ZNF540: variants seen among roughly 807,000 people sequenced by gnomAD.
ZNF540 encodes the protein zinc finger protein 540.
A neutral mutation model predicts 11.8 loss-of-function variants in ZNF540; 3 were observed. That is an observed-to-expected ratio of 0.25 (90% CI 0.12 to 0.65). ZNF540 has a LOEUF of 0.65. ZNF540 is among the 30% of genes least tolerant of loss of function. ZNF540 has a pLI of 0.83. For missense variants in ZNF540, 709 were observed against 793.1 expected, an observed-to-expected ratio of 0.89 and a Z score of 1.27; for synonymous variants, 247 against 259.0, an observed-to-expected ratio of 0.95 and a Z score of 0.45.
intron 1 of ZNF540, chr19:37,583,780 C>G (rs2043560261): frequency 2.0e-6 from 1 of 511,138 alleles, no homozygotes; most frequent in African/African-American, 1.9e-5. Context: ...AAGGGAGACA[C>G]TGACAGGAAG....
intron 1 of ZNF540, among the ~76,000 whole-genome samples, chr19:37,561,294 T>G (rs955757764): frequency 2.8e-4 from 43 of 152,108 alleles, no homozygotes; most frequent in Admixed American, 1.7e-3. Flanking sequence ...TAGAGGATTG[T>G]AAAAACCTTG....
chr19:37,556,011 T>C (rs1450561354), intron 1 of ZNF540: 1 of 701,926 alleles, frequency 1.4e-6, no homozygotes, highest in African/African-American at 1.7e-5. Context: ...AGGACAGAGG[T>C]AAAAGTCAAC....
At chr19:37,591,851 G>A (rs548973601), upstream of ZNF540, among the ~76,000 whole-genome samples, 145 of 152,054 alleles carry the variant, frequency 9.5e-4, no homozygotes, top group African/African-American at 3.2e-3. Flanking sequence ...GCCATGAACC[G>A]TATTTTAAGA....
In ZNF540 at chr19:37,613,885, C is replaced by A; in HGVS notation, c.*622C>A. 1 of 398,528 alleles carries A rather than the reference C, an allele frequency of 2.5e-6. No individual in the cohort carries two copies. The highest frequency in any genetic ancestry group is 2.1e-5 in the African/African-American group (1 of 48,700). 24.7% of individuals were successfully genotyped at this position (398,528 alleles called of 1,614,324 possible). A position where few individuals can be genotyped will look rare whatever the true frequency, so the allele number is the denominator to read the frequency against. On this transcript the variant is annotated 3_prime_UTR_variant, in exon 5 of 5. Coordinates refer to ENST00000316433, the MANE Select transcript of ZNF540 (RefSeq NM_001172225.3). Reference sequence around the variant, plus strand: ...TAGGGCCTTTAGGAGGAAATTAGGTCATGAGGGTGGAGCCTTCATGAGTGG... The same window carrying A: ...TAGGGCCTTTAGGAGGAAATTAGGTAATGAGGGTGGAGCCTTCATGAGTGG...
intron 1 of ZNF540, chr19:37,565,315 G>C: frequency 6.2e-6 from 10 of 1,611,366 alleles, no homozygotes; most frequent in Non-Finnish European, 8.5e-6. Context: ...CACGAAAAAA[G>C]GTCTTCCCGC....
Position 37,613,098 on chromosome 19 carries a change from C to G in ZNF540, c.1818C>G (p.Pro606=). Residue 606 remains proline (P), a synonymous_variant, in exon 5 of 5, where the codon CCC becomes CCG. Coordinates refer to ENST00000316433, the MANE Select transcript of ZNF540 (RefSeq NM_001172225.3). ...AAAGAATTCATACTGGTGAGAAACC[C>G]TATGAGTGTAAACAATGTGGGAAGG... ...IHQRIHTGEK[P]YECKQCGKAF... 1.2e-6 allele frequency: 2 copies of G among 1,613,854 alleles called. No individual in the cohort carries two copies. Among genetic ancestry groups the G allele is most frequent in the East Asian group, 2.2e-5 (1 of 44,864 alleles).
chr19:37,590,620 A>T (rs2043841904), upstream of ZNF540, among the ~76,000 whole-genome samples: 1 of 152,194 alleles, frequency 6.6e-6, no homozygotes, highest in Non-Finnish European at 1.5e-5. Context: ...AATTACTATC[A>T]GGTAGTTCAG....
intron 1 of ZNF540, among the ~76,000 whole-genome samples, chr19:37,553,998 T>G (rs180795465): frequency 2.0e-5 from 3 of 152,360 alleles, no homozygotes; most frequent in Admixed American, 6.5e-5. Context: ...TTTTTTCATT[T>G]GAAACTATTA....
chr19:37,556,129 G>T (rs1223745388), intron 1 of ZNF540: 1 of 702,746 alleles, frequency 1.4e-6, no homozygotes, highest in Non-Finnish European at 2.6e-6. Context: ...GGGACCGGCA[G>T]ATTGTGTTGC....
At chr19:37,589,325 T>C (rs1033502397) in intron 1 of ZNF540, among the ~76,000 whole-genome samples, 2 of 151,660 alleles carry the variant, frequency 1.3e-5, no homozygotes, top group African/African-American at 4.8e-5. Flanking sequence ...CATTTAAAAA[T>C]TGCCTAAAAG....
At chr19:37,580,819 G>A (rs2043429592) in intron 1 of ZNF540, among the ~76,000 whole-genome samples, 2 of 152,112 alleles carry the variant, frequency 1.3e-5, no homozygotes. Context: ...ACAGACATAG[G>A]TGCCATGCTT....
chr19:37,586,343 C>T (rs1287039901), intron 1 of ZNF540: 1 of 268,984 alleles, frequency 3.7e-6, no homozygotes, highest in African/African-American at 2.2e-5. Flanking sequence ...CATTTAAACA[C>T]TCATCTCTAC....
chr19:37,577,753 A>T (rs765700509), intron 1 of ZNF540, among the ~76,000 whole-genome samples: 1 of 152,214 alleles, frequency 6.6e-6, no homozygotes, highest in Admixed American at 6.5e-5. Context: ...GTAAATTTAA[A>T]TGTAACTCTA....
In ZNF540 at chr19:37,611,566, G is replaced by A. The variant is rs751542371; in HGVS notation, c.286G>A (p.Glu96Lys). Residue 96 changes from glutamate to lysine, a missense_variant, in exon 5 of 5, where the codon GAA (glutamate) becomes AAA (lysine). Physicochemically the swap from Glu to Lys is moderately conservative, Grantham distance 56. Coordinates refer to ENST00000316433, the MANE Select transcript of ZNF540 (RefSeq NM_001172225.3). ...KKLSSEKDIH[E>K]ISLSKESIIE... ...ATTATCTTCAGAAAAGGACATTCAT[G>A]AAATCAGTTTATCCAAAGAGAGTAT... 9.3e-6 allele frequency: 15 copies of A among 1,609,630 alleles called. No individual in the cohort carries two copies. Among genetic ancestry groups the A allele is most frequent in the Middle Eastern group, 1.7e-4 (1 of 5,846 alleles).
intron 1 of ZNF540, among the ~76,000 whole-genome samples, chr19:37,553,886 ATATT>A (rs762807677): frequency 3.9e-5 from 6 of 152,234 alleles, no homozygotes; most frequent in Non-Finnish European, 8.8e-5. Context: ...GAGGAAAACA[ATATT>A]TACTCATATT....
chr19:37,588,074 TG>T (rs1227050320), intron 1 of ZNF540, among the ~76,000 whole-genome samples: 2 of 113,674 alleles, frequency 1.8e-5, no homozygotes, highest in African/African-American at 7.0e-5. Flanking sequence ...CACTCCAGCC[TG>T]GGTGACAGAG....
chr19:37,553,375 C>T (rs1225037808), intron 1 of ZNF540, among the ~76,000 whole-genome samples: 2 of 151,642 alleles, frequency 1.3e-5, no homozygotes, highest in Non-Finnish European at 2.9e-5. Flanking sequence ...TCAGGTGATC[C>T]GCCCACCTTG....
chr19:37,586,727 A>C, intron 1 of ZNF540: 1 of 1,609,794 alleles, frequency 6.2e-7, no homozygotes. Context: ...GAGGTGTGCA[A>C]AGTCCAGAGA....
upstream of ZNF540, among the ~76,000 whole-genome samples, chr19:37,591,829 C>T (rs1336373745): frequency 6.6e-6 from 1 of 152,138 alleles, no homozygotes; most frequent in Non-Finnish European, 1.5e-5. Context: ...CAGGCGTGAG[C>T]CACCACACAT....
Sources: gnomAD v4.1 joint callset for allele counts (sites outside exome capture counted in the v4.1 genomes callset) on GRCh38, gnomAD v4.1.1 for gene constraint, MANE v1.5 for transcripts, NCBI Gene and HGNC (gene_info 2026-07-23, HGNC 2026-07-21) for gene names.